Variants in PKHD1 observed in about 807,000 individuals in gnomAD.
PKHD1 encodes PKHD1 ciliary IPT domain containing fibrocystin/polyductin.
In PKHD1, 291 loss-of-function variants were observed where a neutral mutation model predicts 412.0. The observed-to-expected ratio is 0.71, with a 90% CI of 0.64 to 0.78. The LOEUF (loss-of-function observed/expected upper bound fraction) is 0.78. Among genes scored for constraint, PKHD1 ranks in the 30% least tolerant of loss-of-function variants. The pLI is 0.00. For missense variants in PKHD1, 4,825 were observed against 4,950.7 expected, an observed-to-expected ratio of 0.97 and a Z score of 0.76; for synonymous variants, 1,777 against 1,821.5, an observed-to-expected ratio of 0.98 and a Z score of 0.62.
Position 51,903,541 on chromosome 6 carries a change from G to A in PKHD1, c.6996+56C>T. ...CAAAAGGTTGGACACCCCTGATTGAGAAAGAACTTTATGCCCTCTCAGTTC... is the reference window on the plus strand; with the variant it reads ...CAAAAGGTTGGACACCCCTGATTGAAAAAGAACTTTATGCCCTCTCAGTTC... On this transcript the variant is annotated intron_variant, in intron 43 of 66. Transcript: ENST00000371117. 9 of 1,547,234 alleles carry A rather than the reference G, an allele frequency of 5.8e-6. No individual in the cohort carries two copies. In the South Asian group the frequency reaches 8.9e-5, roughly 15 times the overall value.
At chr6:51,796,817 A>ATTTTTT (rs35774390) in intron 52 of PKHD1, among the ~76,000 whole-genome samples, 3 of 136,864 alleles carry the variant, frequency 2.2e-5, no homozygotes, top group African/African-American at 5.5e-5. Context: ...TTTTGAATAG[A>ATTTTTT]TTTTTTTTTT....
rs1770538776 is a variant in PKHD1, at chr6:51,649,199, A to G, written c.11196T>C (p.Thr3732=). 4.3e-6 allele frequency: 7 copies of G among 1,611,574 alleles called. No individual in the cohort carries two copies. Among genetic ancestry groups the G allele is most frequent in the South Asian group, 1.1e-5 (1 of 91,028 alleles). The change falls in exon 62 of 67, where the codon ACT becomes ACC. Residue 3732 remains threonine, a synonymous_variant. Coordinates refer to ENST00000371117, the MANE Select transcript of PKHD1 (RefSeq NM_138694.4). ...IGYGNTSSFK[T]GNLIYIRPYA... ...AGGGCCGAATATATATCAAGTTCCC[A>G]GTTTTAAAACTGCTTGTATTTCTGA...
intron 29 of PKHD1, among the ~76,000 whole-genome samples, chr6:52,031,084 TG>T (rs1283893374): frequency 1.3e-5 from 2 of 152,244 alleles, no homozygotes; most frequent in East Asian, 3.8e-4. Context: ...AAAGATTTAT[TG>T]GTGCTTACTC....
intron 55 of PKHD1, among the ~76,000 whole-genome samples, chr6:51,770,596 A>G (rs1789917718): frequency 6.6e-6 from 1 of 151,090 alleles, no homozygotes; most frequent in South Asian, 2.1e-4. Context: ...TTTTAAATAT[A>G]CCTTTTTTGT....
At chr6:51,991,977 G>C (rs1197252010) in intron 35 of PKHD1, among the ~76,000 whole-genome samples, 1 of 152,180 alleles carries the variant, frequency 6.6e-6, no homozygotes, top group Non-Finnish European at 1.5e-5. Flanking sequence ...TGAAGATTAT[G>C]GGGCAAGAGT....
At chr6:52,033,277 G>A (rs1423405503) in intron 28 of PKHD1, 112 bp from the exon 29 acceptor site, 3 of 857,792 alleles carry the variant, frequency 3.5e-6, no homozygotes, top group Non-Finnish European at 5.7e-6. Flanking sequence ...TAAGAAAGTT[G>A]TTCCTAAAGG....
rs756511422 is a variant in PKHD1, at chr6:51,659,500, G to C, written c.10626C>G (p.Leu3542=). The part of the protein sequence containing the change: ...GANYFNIMDN[L]LYVVLQGEEP... ...CCTCTCCTTGTAGGACAACATACAA[G>C]AGGTTATCCATGATGTTGAAATAGT... Residue 3542 remains leucine, a synonymous_variant, in exon 61 of 67, where the codon CTC becomes CTG. Coordinates refer to ENST00000371117, the MANE Select transcript of PKHD1 (RefSeq NM_138694.4). 9.9e-6 allele frequency: 16 copies of C among 1,613,438 alleles called. No individual in the cohort carries two copies. Among genetic ancestry groups the C allele is most frequent in the Non-Finnish European group, 1.4e-5 (16 of 1,179,730 alleles).
chr6:51,981,473 G>A (rs557643823), intron 35 of PKHD1, among the ~76,000 whole-genome samples: 38 of 152,102 alleles, frequency 2.5e-4, no homozygotes, highest in African/African-American at 8.0e-4. Flanking sequence ...AGCCTGCTAC[G>A]CCTCACTGGT....
At chr6:51,764,382 T>C (rs1486796133) in intron 55 of PKHD1, among the ~76,000 whole-genome samples, 2 of 148,552 alleles carry the variant, frequency 1.3e-5, no homozygotes, top group East Asian at 4.0e-4. Context: ...TCACACCAGT[T>C]AGAATGGCAA....
At chr6:51,797,124 TTCTTAA>T (rs1794741026) in intron 52 of PKHD1, among the ~76,000 whole-genome samples, 1 of 152,164 alleles carries the variant, frequency 6.6e-6, no homozygotes, top group Admixed American at 6.5e-5. Context: ...TTGAATAGAT[TTCTTAA>T]TCTTAAGTTC....
chr6:51,836,321 C>G, intron 51 of PKHD1, 83 bp downstream of exon 51: 1 of 906,710 alleles, frequency 1.1e-6, no homozygotes, highest in Non-Finnish European at 1.9e-6. Flanking sequence ...TGTTTATTAA[C>G]AGTATGACAA....
chr6:51,740,097 G>T (rs2150940773), intron 60 of PKHD1: 1 of 498,438 alleles, frequency 2.0e-6, no homozygotes, highest in East Asian at 5.6e-5. Flanking sequence ...AATGTAAATG[G>T]TTCTCAGAAG....
At chr6:51,677,669 C>T (rs1020868359) in intron 60 of PKHD1, among the ~76,000 whole-genome samples, 2 of 152,090 alleles carry the variant, frequency 1.3e-5, no homozygotes, top group Non-Finnish European at 2.9e-5. Flanking sequence ...CTGTTAAAGG[C>T]CTTTCTGTCT....
In PKHD1 at chr6:51,651,965, G is replaced by A. The variant is rs931011460; in HGVS notation, c.11175-2745C>T. 2.0e-5 allele frequency among the ~76,000 whole-genome samples: 3 copies of A among 152,242 alleles called. No homozygotes were observed. In the South Asian group the frequency reaches 6.2e-4, roughly 32 times the overall value. ...GAGTGATGTCCAAACATCATTACAT[G>A]CTGCTCCAATATTAAAGCAAAGGGA... On this transcript the variant is annotated intron_variant, in intron 61 of 66. Transcript: ENST00000371117.
chr6:51,764,501 T>C (rs1216250492), intron 55 of PKHD1, among the ~76,000 whole-genome samples: 3 of 147,156 alleles, frequency 2.0e-5, no homozygotes, highest in South Asian at 4.8e-4. Flanking sequence ...TGGAAGTCAG[T>C]GTGGCGATTC....
intron 64 of PKHD1, among the ~76,000 whole-genome samples, chr6:51,635,957 G>T (rs1415557643): frequency 1.3e-5 from 2 of 151,324 alleles, no homozygotes; most frequent in Non-Finnish European, 2.9e-5. Context: ...AGAACCCCAC[G>T]GCACCAAGAA....
At chr6:52,009,136 A>G (rs1396523420) in intron 35 of PKHD1, among the ~76,000 whole-genome samples, 2 of 152,174 alleles carry the variant, frequency 1.3e-5, no homozygotes, top group Non-Finnish European at 2.9e-5. Context: ...TAAAATTGGT[A>G]GTAAATTGAA....
At chr6:52,071,843 G>A (rs556203497) in intron 8 of PKHD1, among the ~76,000 whole-genome samples, 4 of 152,204 alleles carry the variant, frequency 2.6e-5, no homozygotes, top group South Asian at 2.1e-4. Context: ...TAAAGCATTC[G>A]AGCAGAGCTT....
chr6:51,810,967 A>T (rs980243372), intron 52 of PKHD1, among the ~76,000 whole-genome samples: 5 of 152,156 alleles, frequency 3.3e-5, no homozygotes, highest in Admixed American at 2.0e-4. Flanking sequence ...AACCCTATTT[A>T]ACTATAATTT....
Sources: allele counts gnomAD v4.1 joint callset (sites outside exome capture counted in the v4.1 genomes callset), GRCh38; gene constraint gnomAD v4.1.1; transcripts MANE v1.5; gene names NCBI Gene and HGNC (gene_info 2026-07-23, HGNC 2026-07-21).